Variants in TLE3 observed in about 807,000 individuals in gnomAD.
The protein encoded by TLE3 is transducin-like enhancer protein 3.
Under a neutral mutation model 93.0 loss-of-function variants are expected in TLE3, and 14 were observed. That is an observed-to-expected ratio of 0.15 (90% CI 0.10 to 0.24). The LOEUF (loss-of-function observed/expected upper bound fraction) is 0.24. Ranked by LOEUF, TLE3 falls within the 10% of genes least tolerant of loss-of-function variation. The probability of loss-of-function intolerance (pLI) is 1.00; values close to 1 mark genes in which losing one functional copy is unlikely to be tolerated. For missense variants in TLE3, 693 were observed against 1,046.6 expected, an observed-to-expected ratio of 0.66 and a Z score of 4.66; for synonymous variants, 451 against 425.0, an observed-to-expected ratio of 1.06 and a Z score of -0.75.
Position 70,057,617 on chromosome 15 carries a change from C to A in TLE3, c.1093G>T (p.Ala365Ser), listed in dbSNP as rs775241809. ...TGGCTCATCATGGCGAAGGGCGCCGCATAGGAGCTGGTGATGGAGATGGGC... is the reference window on the plus strand; with the variant it reads ...TGGCTCATCATGGCGAAGGGCGCCGAATAGGAGCTGGTGATGGAGATGGGC... ...RTPISITSSY[A>S]APFAMMSHHE... Residue 365 changes from alanine to serine, a missense_variant, in exon 13 of 20, where the codon GCG (alanine) becomes TCG (serine). By Grantham distance (99) the Ala-to-Ser change is moderately conservative. Around this residue, in one of 4 missense-constraint regions of TLE3, gnomAD observed 405 missense variants for 468.9 expected, o/e 0.86. Coordinates refer to ENST00000451782, the MANE Select transcript of TLE3 (RefSeq NM_001105192.3). 1.9e-6 allele frequency: 3 copies of A among 1,589,492 alleles called. No individual in the cohort carries two copies. Among genetic ancestry groups the A allele is most frequent in the East Asian group, 4.5e-5 (2 of 43,980 alleles).
Position 70,058,899 on chromosome 15 carries a change from G to A in TLE3, c.766-84C>T, listed in dbSNP as rs2056278170. 6 of 1,444,948 alleles carry A rather than the reference G, an allele frequency of 4.2e-6. No homozygotes were observed. The East Asian group carries it at 7.5e-5, about 18-fold the overall frequency. 89.5% of individuals were successfully genotyped at this position (1,444,948 alleles called of 1,614,324 possible). Reference sequence around the variant, plus strand: ...CTGCTCTGGGAGTGGGAAGAGAGAGGGCATGGGCGATGGGAAGACGAGCTT... The same window carrying A: ...CTGCTCTGGGAGTGGGAAGAGAGAGAGCATGGGCGATGGGAAGACGAGCTT... On this transcript the variant is annotated intron_variant, in intron 10 of 19. Coordinates refer to ENST00000451782, the MANE Select transcript of TLE3 (RefSeq NM_001105192.3). The surrounding 1 kb of genome is among the most constrained non-coding windows in gnomAD (Gnocchi z 4.1).
chr15:70,065,693 G>A (rs2056770014), intron 7 of TLE3, among the ~76,000 whole-genome samples: 1 of 152,218 alleles, frequency 6.6e-6, no homozygotes. Flanking sequence ...AGTCTGACCA[G>A]GAAGGCATCC....
At chr15:70,088,744 G>A (rs560107054) in intron 4 of TLE3, among the ~76,000 whole-genome samples, 16 of 152,190 alleles carry the variant, frequency 1.1e-4, no homozygotes, top group African/African-American at 3.6e-4. Context: ...GGAGGGGGCG[G>A]GTCATAACCA....
chr15:70,055,961 A>C, intron 14 of TLE3: 1 of 425,060 alleles, frequency 2.4e-6, no homozygotes, highest in African/African-American at 2.0e-5. Context: ...CCTTCCCAGC[A>C]GGTCGAACCC....
chr15:70,063,770 G>A (rs779356842), intron 8 of TLE3, among the ~76,000 whole-genome samples: 4 of 152,248 alleles, frequency 2.6e-5, no homozygotes, highest in Non-Finnish European at 5.9e-5. Context: ...AGTGTGATCA[G>A]AAAGATTTAC....
chr15:70,057,757 C>T, intron 12 of TLE3, 99 bp from the exon 13 acceptor site: 2 of 1,425,234 alleles, frequency 1.4e-6, no homozygotes, highest in Non-Finnish European at 1.9e-6. Context: ...TCTTAAGCTG[C>T]CTGCTCCAGG....
chr15:70,081,319 A>G (rs1157439907), intron 4 of TLE3, among the ~76,000 whole-genome samples: 1 of 152,240 alleles, frequency 6.6e-6, no homozygotes, highest in African/African-American at 2.4e-5. Context: ...AGAGCATCAC[A>G]TGAATTTACA....
At chr15:70,069,378 C>T (rs1020799300) in intron 6 of TLE3, among the ~76,000 whole-genome samples, 2 of 152,164 alleles carry the variant, frequency 1.3e-5, no homozygotes, top group Admixed American at 6.5e-5. Flanking sequence ...AGTGAACCGA[C>T]GTCAGAAACT....
At chr15:70,068,073 C>T (rs930215024) in intron 6 of TLE3, among the ~76,000 whole-genome samples, 2 of 152,228 alleles carry the variant, frequency 1.3e-5, no homozygotes, top group Admixed American at 1.3e-4. Flanking sequence ...TTACTCTGAG[C>T]TCCTCCACTT....
Position 70,058,174 on chromosome 15 carries a change from C to A in TLE3, c.1036G>T (p.Gly346Cys), listed in dbSNP as rs753209193. The A allele has an allele frequency of 5.6e-6, 9 of 1,613,984 alleles. No homozygotes were observed. Among genetic ancestry groups the A allele is most frequent in the Non-Finnish European group, 7.6e-6 (9 of 1,179,884 alleles). The change falls in exon 12 of 20, where the codon GGC becomes TGC. Residue 346 changes from glycine (G) to cysteine (C), a missense_variant. Transcript: ENST00000451782. The surrounding 1 kb of genome is among the most constrained non-coding windows in gnomAD (Gnocchi z 4.1). Reference sequence around the variant, plus strand: ...CCCATTATACCTATCGGGTCCATGCCCGGAGGTTTACCCGGCATCGACCTG... The same window carrying A: ...CCCATTATACCTATCGGGTCCATGCACGGAGGTTTACCCGGCATCGACCTG... The part of the protein sequence containing the change: ...GLRSMPGKPP[G>C]MDPIASALRT...
chr15:70,050,637 A>T (rs1376222221), intron 19 of TLE3: 1 of 162,442 alleles, frequency 6.2e-6, no homozygotes, highest in Non-Finnish European at 1.4e-5. Flanking sequence ...TGTTTGAAGC[A>T]TGTGCTGTAA....
intron 1 of TLE3, 60 bp downstream of exon 1, chr15:70,096,715 A>G (rs756309839): frequency 6.2e-7 from 1 of 1,601,346 alleles, no homozygotes; most frequent in African/African-American, 1.3e-5. Flanking sequence ...GTGCCAGATA[A>G]ACTGCCTCGT....
chr15:70,058,074 C>G lies in TLE3; in HGVS notation c.1051+85G>C. The G allele has an allele frequency of 5.0e-6, 8 of 1,589,120 alleles. No homozygotes were observed. Among genetic ancestry groups the G allele is most frequent in the Admixed American group, 1.7e-5 (1 of 57,464 alleles). On this transcript the variant is annotated intron_variant, in intron 12 of 19. Transcript: ENST00000451782. The surrounding 1 kb of genome is among the most constrained non-coding windows in gnomAD (Gnocchi z 4.1). Reference sequence around the variant, plus strand: ...GACACTGCCTGTGCTCTATCCCATGCGTGTGTGTCACCCCTGCCCTGGCCA... The same window carrying G: ...GACACTGCCTGTGCTCTATCCCATGGGTGTGTGTCACCCCTGCCCTGGCCA...
chr15:70,093,880 C>T (rs2058424952), intron 4 of TLE3, among the ~76,000 whole-genome samples: 1 of 152,188 alleles, frequency 6.6e-6, no homozygotes, highest in Non-Finnish European at 1.5e-5. Context: ...CCTGGCTAGG[C>T]TGCCCCTGGG....
At chr15:70,052,247 G>T (rs1045092250) in intron 18 of TLE3, 127 bp downstream of exon 18, 19 of 1,231,352 alleles carry the variant, frequency 1.5e-5, no homozygotes, top group African/African-American at 7.5e-5. Flanking sequence ...CAGCTCAGGG[G>T]TCAGGAGGCC....
chr15:70,068,886 C>T (rs901375778), intron 6 of TLE3, among the ~76,000 whole-genome samples: 3 of 152,198 alleles, frequency 2.0e-5, no homozygotes, highest in African/African-American at 4.8e-5. Flanking sequence ...GCTCTAACGG[C>T]ACAGACAATG....
intron 1 of TLE3, 122 bp downstream of exon 1, chr15:70,096,653 G>A (rs751481224): frequency 6.4e-6 from 10 of 1,552,216 alleles, no homozygotes; most frequent in Non-Finnish European, 3.5e-6. Context: ...CTTTGTGTGA[G>A]AGCACACACA....
chr15:70,090,977 G>A (rs2058280733), intron 4 of TLE3, among the ~76,000 whole-genome samples: 1 of 152,184 alleles, frequency 6.6e-6, no homozygotes, highest in African/African-American at 2.4e-5. Flanking sequence ...ACTAGAAAAG[G>A]AGCACTCTTC....
At chr15:70,070,699 T>A (rs1251404812) in intron 6 of TLE3, among the ~76,000 whole-genome samples, 1 of 152,132 alleles carries the variant, frequency 6.6e-6, no homozygotes, top group East Asian at 1.9e-4. Context: ...CATGAAGCCA[T>A]CAGCAACCAG....
Sources: allele counts gnomAD v4.1 joint callset (sites outside exome capture counted in the v4.1 genomes callset), GRCh38; gene constraint gnomAD v4.1.1; regional missense constraint gnomAD v4.1.1; non-coding constraint Gnocchi (gnomAD v3.1); transcripts MANE v1.5; gene names NCBI Gene and HGNC (gene_info 2026-07-23, HGNC 2026-07-21).